Variants in TTLL4 observed in about 807,000 individuals in gnomAD.
TTLL4 encodes the protein tubulin tyrosine ligase like 4.
A neutral mutation model predicts 122.7 loss-of-function variants in TTLL4; 85 were observed. The ratio of observed to expected loss-of-function variants is 0.69; its 90% CI spans 0.58 to 0.83. The LOEUF is 0.83. Ranked by LOEUF, TTLL4 falls within the 40% of genes least tolerant of loss-of-function variation. The pLI is 0.00. For synonymous variants in TTLL4, 553 were observed against 563.0 expected, an observed-to-expected ratio of 0.98 and a Z score of 0.25; for missense variants, 1,363 against 1,488.6, an observed-to-expected ratio of 0.92 and a Z score of 1.39.
chr2:218,746,199 C>T lies in TTLL4; in HGVS notation c.1942C>T (p.Pro648Ser). The T allele has an allele frequency of 1.2e-6, 2 of 1,614,074 alleles. No individual in the cohort carries two copies. The highest frequency in any genetic ancestry group is 1.7e-6 in the Non-Finnish European group (2 of 1,180,026). ...LGCWGHHMKS[P>S]SFRSIREHQK... ...CTGCTGGGGTCACCACATGAAGTCT[C>T]CTAGTTTCCGATCCATTCGAGAGCA... The change falls in exon 8 of 20, where the codon CCT becomes TCT. Residue 648 changes from proline (P) to serine (S), a missense_variant. This residue lies in a region of TTLL4 where 760 missense variants were observed against 808.4 expected (regional missense o/e 0.94). Coordinates refer to ENST00000392102, the MANE Select transcript of TTLL4 (RefSeq NM_014640.5).
In TTLL4 at chr2:218,738,365, T is replaced by C. The variant is rs768186581; in HGVS notation, c.689T>C (p.Val230Ala). ...TTCATGTGGCCAAATAGCACGCCAG[T>C]GCCTTTATTGCAGACCACACAGGGC... is the stretch of plus-strand genomic sequence containing the variant. Reference protein sequence around the residue: ...NSFMWPNSTPVPLLQTTQGLK... With the variant: ...NSFMWPNSTPAPLLQTTQGLK... Residue 230 changes from valine (V) to alanine (A), a missense_variant, in exon 3 of 20, where the codon GTG (valine) becomes GCG (alanine). This residue lies in a region of TTLL4 where 760 missense variants were observed against 808.4 expected (regional missense o/e 0.94). Transcript: ENST00000392102. 1 of 1,614,124 alleles carries C rather than the reference T, an allele frequency of 6.2e-7. No individual in the cohort carries two copies. The highest frequency in any genetic ancestry group is 1.1e-5 in the South Asian group (1 of 91,090).
intron 1 of TTLL4, among the ~76,000 whole-genome samples, chr2:218,712,438 G>A (rs890099020): frequency 1.3e-5 from 2 of 151,284 alleles, no homozygotes; most frequent in African/African-American, 2.4e-5. Flanking sequence ...CCAGGCTGGA[G>A]TGCAATGGCA....
chr2:218,744,887 A>G (rs1942797203), intron 5 of TTLL4, among the ~76,000 whole-genome samples: 1 of 152,206 alleles, frequency 6.6e-6, no homozygotes, highest in South Asian at 2.1e-4. Flanking sequence ...AGTGTTGGAA[A>G]ACCTTGTCTT....
chr2:218,719,302 A>G lies in TTLL4; in HGVS notation c.-177-7967A>G, dbSNP rs114069272. Reference sequence around the variant, plus strand: ...AAAGCCATCATGAAGCTTATAGGGCATATCACTAGGGTAAGTGAACAGTGG... The same window carrying G: ...AAAGCCATCATGAAGCTTATAGGGCGTATCACTAGGGTAAGTGAACAGTGG... On this transcript the variant is annotated intron_variant, in intron 1 of 19. Transcript: ENST00000392102. 7.8e-3 allele frequency among the ~76,000 whole-genome samples: 1,182 copies of G among 152,268 alleles called. 10 individuals are homozygous for G. The highest frequency in any genetic ancestry group is 0.027 in the African/African-American group (1,125 of 41,554).
intron 1 of TTLL4, among the ~76,000 whole-genome samples, chr2:218,720,566 C>T (rs1475571453): frequency 1.3e-5 from 2 of 150,668 alleles, no homozygotes; most frequent in African/African-American, 2.4e-5. Flanking sequence ...CCCGGCTATT[C>T]GGGAGGCTGA....
At chr2:218,745,378 G>A (rs1289018323) in intron 6 of TTLL4, 145 bp downstream of exon 6, 5 of 1,104,338 alleles carry the variant, frequency 4.5e-6, no homozygotes, top group Non-Finnish European at 6.5e-6. Context: ...TCCCCATGTG[G>A]TCGTAGGTCT....
chr2:218,748,579 TG>T, intron 12 of TTLL4: 1 of 415,716 alleles, frequency 2.4e-6, no homozygotes, highest in Non-Finnish European at 4.2e-6. Context: ...CACTTGAACC[TG>T]GGGGACGGAG....
intron 1 of TTLL4, among the ~76,000 whole-genome samples, chr2:218,716,355 TCAGA>T (rs1471884206): frequency 6.6e-6 from 1 of 152,210 alleles, no homozygotes; most frequent in Non-Finnish European, 1.5e-5. Context: ...ATCCTGCAAT[TCAGA>T]CAATCACACA....
At chr2:218,746,823 A>G (rs1485064235) in intron 8 of TTLL4, 180 bp from the exon 9 acceptor site, 2 of 632,050 alleles carry the variant, frequency 3.2e-6, no homozygotes, top group Non-Finnish European at 5.4e-6. Flanking sequence ...CTGTGTTTTA[A>G]TCATCTTTTG....
At position 218,737,642 on chromosome 2, in the gene TTLL4, G is replaced by A. The variant is rs370489811; in HGVS notation, c.-35G>A. On this transcript the variant is annotated 5_prime_UTR_variant, in exon 3 of 20. Coordinates refer to ENST00000392102, the MANE Select transcript of TTLL4 (RefSeq NM_014640.5). The stretch of plus-strand genomic sequence containing the variant: ...GTGTGTGGCACCTTACCTCAGCAAG[G>A]CCATGAGACCGTGTGGCCATGATGT... 9.5e-5 allele frequency: 146 copies of A among 1,541,766 alleles called. No homozygotes were observed. The highest frequency in any genetic ancestry group is 3.0e-4 in the Admixed American group (15 of 49,988).
intron 5 of TTLL4, 33 bp from the exon 6 acceptor site, chr2:218,745,076 C>T: frequency 1.9e-6 from 3 of 1,610,772 alleles, no homozygotes; most frequent in Middle Eastern, 1.7e-4. Context: ...TGCTTTTTCC[C>T]TTTCTCTACT....
At chr2:218,737,443 A>C in intron 2 of TTLL4, 136 bp from the exon 3 acceptor site, 4 of 468,400 alleles carry the variant, frequency 8.5e-6, no homozygotes, top group Non-Finnish European at 1.5e-5. Flanking sequence ...TTCTTCTCCC[A>C]GTGCCCCAAA....
Position 218,744,246 on chromosome 2 carries a change from A to T in TTLL4, c.1662-863A>T, listed in dbSNP as rs559053443. Reference sequence around the variant, plus strand: ...TAATAACAGGTAAAGTGACTTTTTTAAACTAAAAATTAATGTTATAATAAT... The same window carrying T: ...TAATAACAGGTAAAGTGACTTTTTTTAACTAAAAATTAATGTTATAATAAT... On this transcript the variant is annotated intron_variant, in intron 5 of 19. Coordinates refer to ENST00000392102, the MANE Select transcript of TTLL4 (RefSeq NM_014640.5). 1.8e-4 allele frequency among the ~76,000 whole-genome samples: 27 copies of T among 152,354 alleles called. No individual in the cohort carries two copies. The East Asian group carries it at 4.2e-3, about 24-fold the overall frequency.
In TTLL4 at chr2:218,745,674, C is replaced by A. The variant is rs763056866; in HGVS notation, c.1787-17C>A. 2 of 1,551,890 alleles carry A rather than the reference C, an allele frequency of 1.3e-6. No individual in the cohort carries two copies. Among genetic ancestry groups the A allele is most frequent in the African/African-American group, 1.4e-5 (1 of 73,342 alleles). ...CCTCTCCATCCCCCATCCCCACACC[C>A]CTTGCATTCTTCCCAGTGGAGAAAC... On this transcript the variant is annotated splice_polypyrimidine_tract_variant and intron_variant, in intron 6 of 19. Coordinates refer to ENST00000392102, the MANE Select transcript of TTLL4 (RefSeq NM_014640.5).
At chr2:218,718,139 G>C (rs1941922474) in intron 1 of TTLL4, among the ~76,000 whole-genome samples, 3 of 152,184 alleles carry the variant, frequency 2.0e-5, no homozygotes, top group Non-Finnish European at 4.4e-5. Flanking sequence ...AGATCTTGTG[G>C]ACTGTAGACT....
rs1330859746 is a variant in TTLL4 at position 218,751,809 on chromosome 2, A to G, written c.2976+3A>G. 6.3e-7 allele frequency: 1 copy of G among 1,595,234 alleles called. No individual in the cohort carries two copies. Among genetic ancestry groups the G allele is most frequent in the Admixed American group, 1.7e-5 (1 of 59,260 alleles). On this transcript the variant is annotated splice_donor_region_variant and intron_variant, in intron 16 of 19. Transcript: ENST00000392102. The stretch of plus-strand genomic sequence containing the variant: ...TGACCCAGAAAATTCCTGATCAGGT[A>G]GGAGATTGGTCTTCCCCCCAGTGCT...
downstream of TTLL4, among the ~76,000 whole-genome samples, chr2:218,758,366 GA>G (rs1455182019): frequency 6.6e-6 from 1 of 152,138 alleles, no homozygotes; most frequent in African/African-American, 2.4e-5. Flanking sequence ...CTAAAATATG[GA>G]GGAAAAGCAC....
downstream of TTLL4, among the ~76,000 whole-genome samples, chr2:218,758,000 G>A (rs1252092590): frequency 6.6e-6 from 1 of 152,180 alleles, no homozygotes; most frequent in East Asian, 1.9e-4. Context: ...TTCTGACCAA[G>A]CCTTTCACAA....
chr2:218,738,355 A>G lies in TTLL4; in HGVS notation c.679A>G (p.Ser227Gly). 1 of 1,614,146 alleles carries G rather than the reference A, an allele frequency of 6.2e-7. No individual in the cohort carries two copies. The highest frequency in any genetic ancestry group is 8.5e-7 in the Non-Finnish European group (1 of 1,180,034). The change falls in exon 3 of 20, where the codon AGC (serine) becomes GGC (glycine). Residue 227 changes from serine to glycine, a missense_variant. By Grantham distance (56) the Ser-to-Gly change is moderately conservative. Around this residue, in one of 3 missense-constraint regions of TTLL4, gnomAD observed 760 missense variants for 808.4 expected, o/e 0.94. Transcript: ENST00000392102. The part of the protein sequence containing the change: ...LNNNSFMWPN[S>G]TPVPLLQTTQ... Reference sequence around the variant, plus strand: ...TAATAATTCCTTCATGTGGCCAAATAGCACGCCAGTGCCTTTATTGCAGAC... The same window carrying G: ...TAATAATTCCTTCATGTGGCCAAATGGCACGCCAGTGCCTTTATTGCAGAC...
Sources: gnomAD v4.1 joint callset for allele counts (sites outside exome capture counted in the v4.1 genomes callset) on GRCh38, gnomAD v4.1.1 for gene constraint, gnomAD v4.1.1 regional missense constraint, MANE v1.5 for transcripts, NCBI Gene and HGNC (gene_info 2026-07-23, HGNC 2026-07-21) for gene names.